Variants in DLG1 observed in about 807,000 individuals in gnomAD.
The protein encoded by DLG1 is disks large homolog 1.
Under a neutral mutation model 123.4 loss-of-function variants are expected in DLG1, and 42 were observed. The observed-to-expected ratio is 0.34, with a 90% CI of 0.27 to 0.44. The LOEUF (loss-of-function observed/expected upper bound fraction) is 0.44, where lower values mean the gene tolerates loss of function less well. Ranked by LOEUF, DLG1 falls within the 20% of genes least tolerant of loss-of-function variation. The pLI is 1.00. For synonymous variants in DLG1, 317 were observed against 356.2 expected, an observed-to-expected ratio of 0.89 and a Z score of 1.24; for missense variants, 942 against 1,082.6, an observed-to-expected ratio of 0.87 and a Z score of 1.82.
chr3:197,234,261 G>T (rs549935841), intron 4 of DLG1, among the ~76,000 whole-genome samples: 1 of 152,198 alleles, frequency 6.6e-6, no homozygotes, highest in Non-Finnish European at 1.5e-5. Context: ...ACACAGACAG[G>T]CTTACAACCC....
chr3:197,201,109 C>G (rs374287131), intron 4 of DLG1, among the ~76,000 whole-genome samples: 1 of 152,194 alleles, frequency 6.6e-6, no homozygotes, highest in Non-Finnish European at 1.5e-5. Flanking sequence ...ACCGGCCGGG[C>G]GCAGTGGCTC....
chr3:197,287,631 A>G (rs1772506624), intron 3 of DLG1, among the ~76,000 whole-genome samples: 1 of 152,208 alleles, frequency 6.6e-6, no homozygotes, highest in African/African-American at 2.4e-5. Flanking sequence ...AAAAAGGAAA[A>G]AGGAGGAGGA....
intron 6 of DLG1, among the ~76,000 whole-genome samples, chr3:197,143,381 G>C (rs913307227): frequency 6.6e-6 from 1 of 151,968 alleles, no homozygotes. Context: ...TCAGCCTCCC[G>C]AGTAGCTGGG....
At chr3:197,149,918 T>C in intron 5 of DLG1, 122 bp from the exon 6 acceptor site, 1 of 647,598 alleles carries the variant, frequency 1.5e-6, no homozygotes, top group South Asian at 1.9e-5. Context: ...ATGAGCTTTT[T>C]ATATGTTAAA....
At chr3:197,196,878 C>G (rs200281088) in intron 4 of DLG1, among the ~76,000 whole-genome samples, 1 of 152,078 alleles carries the variant, frequency 6.6e-6, no homozygotes, top group East Asian at 1.9e-4. Context: ...TATATAAATG[C>G]ACTGTTTAAA....
rs544976597 is a variant in DLG1 at position 197,262,697 on chromosome 3, G to GACT, written c.318+19979_318+19981dup. 2.4e-4 allele frequency among the ~76,000 whole-genome samples: 36 copies of GACT among 152,234 alleles called. No homozygotes were observed. The East Asian group carries it at 6.6e-3, about 28-fold the overall frequency. ...ACTGCCAGAACTGTATTTACGTAGA[G>GACT]ACTACTACTACCTCCAAGCAGATAG... On this transcript the variant is annotated intron_variant, in intron 4 of 24. Coordinates refer to ENST00000667157, the MANE Select transcript of DLG1 (RefSeq NM_001366207.1).
At chr3:197,065,638 T>C in intron 21 of DLG1, 70 bp downstream of exon 21, 1 of 1,192,344 alleles carries the variant, frequency 8.4e-7, no homozygotes, top group Non-Finnish European at 1.2e-6. Context: ...TGGTTATATC[T>C]ATTTTTCCCA....
At chr3:197,046,217 A>C (rs1349303359) in intron 24 of DLG1, among the ~76,000 whole-genome samples, 1 of 152,180 alleles carries the variant, frequency 6.6e-6, no homozygotes, top group African/African-American at 2.4e-5. Flanking sequence ...AACAGCACGC[A>C]AGGATTTATT....
intron 14 of DLG1, among the ~76,000 whole-genome samples, chr3:197,104,619 T>C (rs1765325185): frequency 6.6e-6 from 1 of 151,238 alleles, no homozygotes; most frequent in African/African-American, 2.4e-5. Context: ...GAGGCAGAGG[T>C]TGCGGTGAGC....
At chr3:197,152,969 G>A (rs917578940) in intron 5 of DLG1, among the ~76,000 whole-genome samples, 20 of 152,126 alleles carry the variant, frequency 1.3e-4, no homozygotes, top group African/African-American at 4.8e-4. Flanking sequence ...TTTTAAAATA[G>A]GTCAAAATAG....
intron 5 of DLG1, chr3:197,161,584 A>G: frequency 9.2e-7 from 1 of 1,084,058 alleles, no homozygotes; most frequent in Non-Finnish European, 1.3e-6. Flanking sequence ...AAGAACACAA[A>G]TGAAACATTA....
chr3:197,297,951 C>T (rs2151315106), intron 1 of DLG1: 1 of 981,438 alleles, frequency 1.0e-6, no homozygotes, highest in African/African-American at 1.7e-5. Flanking sequence ...GGAGGAGCTC[C>T]CCTGGGCCGC....
intron 13 of DLG1, among the ~76,000 whole-genome samples, chr3:197,108,944 G>A (rs1768205389): frequency 6.6e-6 from 1 of 151,880 alleles, no homozygotes; most frequent in Non-Finnish European, 1.5e-5. Context: ...CTCAATTACT[G>A]CATTATTTTT....
At chr3:197,208,224 A>C (rs1171315889) in intron 4 of DLG1, among the ~76,000 whole-genome samples, 1 of 146,786 alleles carries the variant, frequency 6.8e-6, no homozygotes, top group East Asian at 2.0e-4. Context: ...TCACATTATC[A>C]GATTGTCAAA....
chr3:197,051,998 G>A (rs540501340), intron 23 of DLG1, among the ~76,000 whole-genome samples: 3 of 151,326 alleles, frequency 2.0e-5, no homozygotes, highest in Admixed American at 1.3e-4. Context: ...GCGCCACCAC[G>A]CCTGGCTAAT....
intron 4 of DLG1, among the ~76,000 whole-genome samples, chr3:197,247,476 G>A (rs1053000661): frequency 1.3e-5 from 2 of 152,036 alleles, no homozygotes; most frequent in Non-Finnish European, 2.9e-5. Flanking sequence ...TATACCTTTA[G>A]GGGGTAAAGG....
At chr3:197,146,699 GAAGAT>G (rs1312354304) in intron 6 of DLG1, among the ~76,000 whole-genome samples, 1 of 149,188 alleles carries the variant, frequency 6.7e-6, no homozygotes, top group Non-Finnish European at 1.5e-5. Context: ...TAAAATTTTA[GAAGAT>G]AACATCAGAA....
chr3:197,066,854 A>C, intron 19 of DLG1, 100 bp from the exon 20 acceptor site: 1 of 728,058 alleles, frequency 1.4e-6, no homozygotes, highest in Non-Finnish European at 2.2e-6. Flanking sequence ...CTTTCCTGAG[A>C]AAATGGCAAA....
At position 197,044,326 on chromosome 3, in the gene DLG1, T is replaced by C. The variant is rs1721561704; in HGVS notation, c.*297A>G. On this transcript the variant is annotated 3_prime_UTR_variant, in exon 25 of 25. Coordinates refer to ENST00000667157, the MANE Select transcript of DLG1 (RefSeq NM_001366207.1). Reference sequence around the variant, plus strand: ...TTTCCAAAAATCTCTTAAAGTTACTTTCCCTTAAACATTAAGGAATTTTAC... The same window carrying C: ...TTTCCAAAAATCTCTTAAAGTTACTCTCCCTTAAACATTAAGGAATTTTAC... 8.6e-6 allele frequency: 2 copies of C among 232,918 alleles called. No individual in the cohort carries two copies. The highest frequency in any genetic ancestry group is 5.5e-5 in the Admixed American group (1 of 18,220). 14.4% of individuals were successfully genotyped at this position (232,918 alleles called of 1,614,324 possible). A position where few individuals can be genotyped will look rare whatever the true frequency, so the allele number is the denominator to read the frequency against.
Sources: allele counts gnomAD v4.1 joint callset (sites outside exome capture counted in the v4.1 genomes callset), GRCh38; gene constraint gnomAD v4.1.1; transcripts MANE v1.5; gene names NCBI Gene and HGNC (gene_info 2026-07-23, HGNC 2026-07-21).